The following HIVEP2 variants were observed in gnomAD, a reference collection of about 807,000 sequenced individuals.
HIVEP2 encodes the protein HIVEP zinc finger 2.
Under a neutral mutation model 180.7 loss-of-function variants are expected in HIVEP2, and 14 were observed. The observed-to-expected ratio is 0.08, with a 90% CI of 0.05 to 0.12. The LOEUF (loss-of-function observed/expected upper bound fraction) is 0.12, where lower values mean the gene tolerates loss of function less well. HIVEP2 is among the 10% of genes least tolerant of loss of function. HIVEP2 has a pLI of 1.00. For missense variants in HIVEP2, 2,579 were observed against 3,008.5 expected (o/e 0.86, Z 3.34); for synonymous variants, 1,184 against 1,136.4 (o/e 1.04, Z -0.84).
chr6:142,791,939 G>T (rs943804472), intron 2 of HIVEP2, among the ~76,000 whole-genome samples: 7 of 152,170 alleles, frequency 4.6e-5, no homozygotes, highest in South Asian at 2.1e-4. Flanking sequence ...ACAGGAGATT[G>T]CTTAGAAATG....
chr6:142,858,687 G>A (rs1775891442), intron 1 of HIVEP2, among the ~76,000 whole-genome samples: 1 of 152,048 alleles, frequency 6.6e-6, no homozygotes, highest in African/African-American at 2.4e-5. Flanking sequence ...TGCTTCCCAG[G>A]TTCAAGCAAT....
chr6:142,941,818 C>T (rs1382428031), intron 1 of HIVEP2, among the ~76,000 whole-genome samples: 1 of 152,194 alleles, frequency 6.6e-6, no homozygotes, highest in Non-Finnish European at 1.5e-5. Flanking sequence ...AATCCATGAA[C>T]TGGAAGCATA....
At position 142,754,150 on chromosome 6, in the gene HIVEP2, C is replaced by T. The variant is rs535233344; in HGVS notation, c.6517-219G>A. 2.0e-5 allele frequency among the ~76,000 whole-genome samples: 3 copies of T among 152,102 alleles called. No homozygotes were observed. In the South Asian group the frequency reaches 6.2e-4, roughly 32 times the overall value. On this transcript the variant is annotated intron_variant, in intron 9 of 9. Transcript: ENST00000367603. Reference sequence around the variant, plus strand: ...AAAGGTGTCGGCCTGTGAAAAGTTGCTTTTGTTTTTAAACAGCAAGGTGAT... The same window carrying T: ...AAAGGTGTCGGCCTGTGAAAAGTTGTTTTTGTTTTTAAACAGCAAGGTGAT...
At position 142,769,750 on chromosome 6, in the gene HIVEP2, G is replaced by A. The variant is rs761012489; in HGVS notation, c.4989C>T (p.Ala1663=). ...NYTKPNYVQQ[A]TFKSSVYASW... is the part of the protein sequence containing the mutation. ...AAGCATAAACCGAGGATTTGAAGGTGGCCTGTTGCACATAATTGGGTTTTG... is the reference window on the plus strand; with the variant it reads ...AAGCATAAACCGAGGATTTGAAGGTAGCCTGTTGCACATAATTGGGTTTTG... The change falls in exon 5 of 10, where the codon GCC becomes GCT. Residue 1663 remains alanine (A), a synonymous_variant. Transcript: ENST00000367603. 3 of 1,614,184 alleles carry A rather than the reference G, an allele frequency of 1.9e-6. No individual in the cohort carries two copies. Among genetic ancestry groups the A allele is most frequent in the Admixed American group, 1.7e-5 (1 of 60,028 alleles).
intron 2 of HIVEP2, among the ~76,000 whole-genome samples, chr6:142,784,132 C>A (rs930624949): frequency 1.3e-4 from 20 of 152,106 alleles, no homozygotes; most frequent in African/African-American, 3.9e-4. Context: ...AAGAAAGGAA[C>A]TTTTCATATA....
intron 2 of HIVEP2, among the ~76,000 whole-genome samples, chr6:142,831,939 C>A (rs962967371): frequency 2.0e-5 from 3 of 152,120 alleles, no homozygotes; most frequent in Non-Finnish European, 4.4e-5. Flanking sequence ...CACCTATAAT[C>A]ACAGCATTTT....
intron 2 of HIVEP2, among the ~76,000 whole-genome samples, chr6:142,823,068 A>C (rs370448108): frequency 1.3e-4 from 20 of 152,090 alleles, no homozygotes; most frequent in Middle Eastern, 3.2e-3. Flanking sequence ...GCCAGTCACA[A>C]CACCATCTGC....
chr6:142,806,781 C>A (rs564170624), intron 2 of HIVEP2, among the ~76,000 whole-genome samples: 1 of 152,234 alleles, frequency 6.6e-6, no homozygotes, highest in South Asian at 2.1e-4. Context: ...CAGCTTTTTG[C>A]ATATACATTA....
intron 2 of HIVEP2, among the ~76,000 whole-genome samples, chr6:142,836,318 AG>A (rs1412888761): frequency 6.6e-6 from 1 of 152,122 alleles, no homozygotes; most frequent in East Asian, 1.9e-4. Flanking sequence ...CAGTAGCCAA[AG>A]TCCTGTTCCC....
chr6:142,797,746 T>C (rs1776312005), intron 2 of HIVEP2, among the ~76,000 whole-genome samples: 1 of 152,154 alleles, frequency 6.6e-6, no homozygotes, highest in Non-Finnish European at 1.5e-5. Flanking sequence ...TATTAGTTAT[T>C]GTTGTGGATC....
In HIVEP2 at chr6:142,773,671, A is replaced by G. The variant is rs761116206; in HGVS notation, c.1068T>C (p.Asn356=). ...GPDMLPNPSL[N]TKADDSHTVK... The stretch of plus-strand genomic sequence containing the variant: ...CTGTGTGCGAATCATCAGCCTTAGT[A>G]TTTAAAGATGGATTTGGTAGCATAT... The change falls in exon 5 of 10, where the codon AAT becomes AAC. Residue 356 remains asparagine (N), a synonymous_variant. Coordinates refer to ENST00000367603, the MANE Select transcript of HIVEP2 (RefSeq NM_006734.4). The G allele has an allele frequency of 6.2e-7, 1 of 1,614,140 alleles. No individual in the cohort carries two copies.
chr6:142,803,566 T>TACACAC (rs10688831), intron 2 of HIVEP2, among the ~76,000 whole-genome samples: 7,034 of 141,668 alleles, frequency 0.05, 267 homozygotes, highest in Admixed American at 0.14. Context: ...ATATATAGCA[T>TACACAC]ACACACACAC....
At chr6:142,887,435 A>G (rs1220040193) in intron 1 of HIVEP2, among the ~76,000 whole-genome samples, 5 of 152,200 alleles carry the variant, frequency 3.3e-5, no homozygotes, top group Admixed American at 3.3e-4. Flanking sequence ...CCTGCTACAT[A>G]CATTTGACAG....
intron 2 of HIVEP2, among the ~76,000 whole-genome samples, chr6:142,805,561 G>A (rs1424893704): frequency 2.9e-5 from 3 of 105,056 alleles, no homozygotes; most frequent in African/African-American, 8.6e-5. Context: ...GTAGGGCAGA[G>A]TTTTACAGAA....
chr6:142,862,459 A>G (rs2184364), intron 1 of HIVEP2, among the ~76,000 whole-genome samples: 19,963 of 128,412 alleles, frequency 0.16, 2,283 homozygotes, highest in South Asian at 0.19. Context: ...AATCGATTAT[A>G]TGTATCATAT....
At chr6:142,777,443 T>C (rs551289921) in intron 3 of HIVEP2, among the ~76,000 whole-genome samples, 127 of 151,980 alleles carry the variant, frequency 8.4e-4, no homozygotes, top group African/African-American at 3.0e-3. Flanking sequence ...CCAGGCAGCA[T>C]TGGCACCAGC....
At chr6:142,779,698 G>A (rs1412250986) in intron 3 of HIVEP2, 5 of 152,022 alleles carry the variant, frequency 3.3e-5, no homozygotes, top group African/African-American at 1.2e-4. Flanking sequence ...AACAGGGTTG[G>A]AATAATTTAT....
intron 1 of HIVEP2, among the ~76,000 whole-genome samples, chr6:142,935,946 T>C (rs1490580591): frequency 3.3e-5 from 5 of 151,754 alleles, no homozygotes; most frequent in African/African-American, 1.2e-4. Flanking sequence ...CATTTAACAA[T>C]AGGATGTGTC....
In HIVEP2 at chr6:142,772,669, A is replaced by T; in HGVS notation, c.2070T>A (p.Thr690=). Residue 690 remains threonine, a synonymous_variant, in exon 5 of 10, where the codon ACT becomes ACA. Transcript: ENST00000367603. The surrounding 1 kb of genome is among the most constrained non-coding windows in gnomAD (Gnocchi z 4.9). ...PLQGVPSMFG[T]TCENRKRRKE... ...TCCGGCGTTTCCTGTTTTCACAGGT[A>T]GTTCCAAACATGCTTGGTACTCCCT... is the stretch of plus-strand genomic sequence containing the variant. 6.2e-7 allele frequency: 1 copy of T among 1,614,232 alleles called. No individual in the cohort carries two copies. Among genetic ancestry groups the T allele is most frequent in the South Asian group, 1.1e-5 (1 of 91,092 alleles).
Sources: allele counts gnomAD v4.1 joint callset (sites outside exome capture counted in the v4.1 genomes callset), GRCh38; gene constraint gnomAD v4.1.1; non-coding constraint Gnocchi (gnomAD v3.1); transcripts MANE v1.5; gene names NCBI Gene and HGNC (gene_info 2026-07-23, HGNC 2026-07-21).